The following FBXO16 variants were observed in gnomAD, a reference collection of about 807,000 sequenced individuals.
FBXO16 encodes the protein F-box protein 16.
Under a neutral mutation model 41.0 loss-of-function variants are expected in FBXO16, and 31 were observed. The observed-to-expected ratio is 0.76, with a 90% CI of 0.57 to 1.02. The LOEUF (loss-of-function observed/expected upper bound fraction) is 1.02. FBXO16 is among the 50% of genes least tolerant of loss of function. The pLI is 0.00. For missense variants in FBXO16, 361 were observed against 346.2 expected (o/e 1.04, Z -0.34); for synonymous variants, 133 against 117.8 (o/e 1.13, Z -0.84).
chr8:28,478,255 A>T (rs1803453782), intron 2 of FBXO16, among the ~76,000 whole-genome samples: 1 of 152,180 alleles, frequency 6.6e-6, no homozygotes. Flanking sequence ...AAATCTATTA[A>T]AGAACCAATG....
At position 28,429,380 on chromosome 8, in the gene FBXO16, T is replaced by C; in HGVS notation, c.867A>G (p.Pro289=). 9 of 1,613,638 alleles carry C rather than the reference T, an allele frequency of 5.6e-6. No individual in the cohort carries two copies. Among genetic ancestry groups the C allele is most frequent in the South Asian group, 1.1e-5 (1 of 91,064 alleles). The change falls in exon 8 of 9, where the codon CCA becomes CCG. Residue 289 remains proline, a splice_region_variant and synonymous_variant. Coordinates refer to ENST00000380254, the MANE Select transcript of FBXO16 (RefSeq NM_172366.4). ...TTGATATCACAACCGAAACTCACAG[T>C]GGGAAGGGATTTCTCCTCGACATCT... The part of the protein sequence containing the change: ...QSMMSRRNPF[P]LCP
At chr8:28,460,423 A>ATTTT (rs1174276709) in intron 4 of FBXO16, among the ~76,000 whole-genome samples, 2 of 82,514 alleles carry the variant, frequency 2.4e-5, no homozygotes, top group African/African-American at 6.3e-5. Flanking sequence ...TACCTGGCTA[A>ATTTT]TTTTTTTTTT....
intron 2 of FBXO16, 106 bp downstream of exon 2, chr8:28,483,242 T>C (rs1803543496): frequency 1.9e-6 from 2 of 1,059,284 alleles, no homozygotes. Flanking sequence ...ATTCATCCAT[T>C]ACACAATCTT....
At chr8:28,486,404 A>C (rs1240780646) in intron 1 of FBXO16, among the ~76,000 whole-genome samples, 3 of 151,888 alleles carry the variant, frequency 2.0e-5, no homozygotes, top group African/African-American at 7.3e-5. Flanking sequence ...TTATAGTTTT[A>C]GTAGAGACAG....
At chr8:28,440,502 C>T (rs867529750) in intron 7 of FBXO16, among the ~76,000 whole-genome samples, 1 of 152,120 alleles carries the variant, frequency 6.6e-6, no homozygotes, top group Non-Finnish European at 1.5e-5. Flanking sequence ...ATTCTTAAAC[C>T]ATTGTTCATT....
In FBXO16 at chr8:28,461,627, A is replaced by G. The variant is rs369481051; in HGVS notation, c.342+1985T>C. On this transcript the variant is annotated intron_variant, in intron 4 of 8. Transcript: ENST00000380254. ...TAAAGAAATTAGCCCTTTGCATGCA[A>G]TCGATTTTTTTCCCTGCCTACTGTT... Among the ~76,000 whole-genome samples, 75 of 151,846 alleles carry G rather than the reference A, an allele frequency of 4.9e-4. 2 individuals are homozygous for G. Among genetic ancestry groups the G allele is most frequent in the African/African-American group, 1.5e-3 (63 of 41,432 alleles).
chr8:28,484,407 T>C (rs544299772), intron 1 of FBXO16, among the ~76,000 whole-genome samples: 4 of 152,318 alleles, frequency 2.6e-5, no homozygotes, highest in Admixed American at 2.0e-4. Context: ...ATCCAGTATA[T>C]GTCTGCCTCC....
Position 28,428,611 on chromosome 8 carries a change from G to A in FBXO16, c.*116C>T, listed in dbSNP as rs1274334323. ...GGATGAGTCATGCTTGGGGCCCAGG[G>A]TGCCTGTGAGGATGCTGCATGAGAA... On this transcript the variant is annotated 3_prime_UTR_variant, in exon 9 of 9. Transcript: ENST00000380254. 10 of 1,551,608 alleles carry A rather than the reference G, an allele frequency of 6.4e-6. No homozygotes were observed. Among genetic ancestry groups the A allele is most frequent in the Non-Finnish European group, 7.8e-6 (9 of 1,147,116 alleles).
At chr8:28,447,429 T>G in intron 6 of FBXO16, 156 bp from the exon 7 acceptor site, 2 of 610,000 alleles carry the variant, frequency 3.3e-6, no homozygotes, top group South Asian at 2.0e-5. Flanking sequence ...AATAGAGAAC[T>G]GGTTGCATCA....
intron 3 of FBXO16, among the ~76,000 whole-genome samples, chr8:28,466,001 A>G (rs1374170772): frequency 2.0e-5 from 3 of 152,186 alleles, no homozygotes; most frequent in Non-Finnish European, 4.4e-5. Flanking sequence ...CATGCCTGGG[A>G]GGCCGAGGCC....
intron 3 of FBXO16, among the ~76,000 whole-genome samples, chr8:28,471,946 T>C (rs1803343540): frequency 6.6e-6 from 1 of 152,208 alleles, no homozygotes; most frequent in South Asian, 2.1e-4. Context: ...AGTTGTATCT[T>C]GTTAGGTAAA....
intron 7 of FBXO16, among the ~76,000 whole-genome samples, chr8:28,441,910 A>ATGTGTGTGTGTGTG (rs1175392833): frequency 9.3e-6 from 1 of 107,894 alleles, no homozygotes; most frequent in Admixed American, 1.1e-4. Flanking sequence ...GTATATATAT[A>ATGTGTGTGTGTGTG]TGTGTGTGTG....
At chr8:28,431,599 A>C (rs1306266438) in intron 7 of FBXO16, among the ~76,000 whole-genome samples, 1 of 152,054 alleles carries the variant, frequency 6.6e-6, no homozygotes, top group African/African-American at 2.4e-5. Flanking sequence ...TCCCCCAGAA[A>C]GGTCCGTCTT....
chr8:28,454,343 T>C lies in FBXO16; in HGVS notation c.508-1867A>G, dbSNP rs116125143. Among the ~76,000 whole-genome samples the C allele has an allele frequency of 4.8e-3, 726 of 151,920 alleles. 27 individuals are homozygous for C. The highest frequency in any genetic ancestry group is 0.017 in the African/African-American group (698 of 41,198). ...TCTGTTGTTGCTGGAAGAGGTCTAG[T>C]TTAATACTGCTGGGAATAAATAACA... is the stretch of plus-strand genomic sequence containing the variant. On this transcript the variant is annotated intron_variant, in intron 5 of 8. Coordinates refer to ENST00000380254, the MANE Select transcript of FBXO16 (RefSeq NM_172366.4).
chr8:28,431,560 C>T (rs1162942000), intron 7 of FBXO16, among the ~76,000 whole-genome samples: 1 of 152,122 alleles, frequency 6.6e-6, no homozygotes, highest in Non-Finnish European at 1.5e-5. Flanking sequence ...TGATCTTTTC[C>T]CTTGGCTGTG....
At chr8:28,430,746 C>T (rs1023948512) in intron 7 of FBXO16, among the ~76,000 whole-genome samples, 8 of 151,992 alleles carry the variant, frequency 5.3e-5, no homozygotes, top group East Asian at 1.9e-4. Flanking sequence ...CCAAGGCGGG[C>T]GGATCACCTG....
At chr8:28,460,247 T>TATATATA (rs57422429) in intron 4 of FBXO16, among the ~76,000 whole-genome samples, 27 of 53,292 alleles carry the variant, frequency 5.1e-4, no homozygotes, top group East Asian at 1.4e-3. Context: ...ATATATATAT[T>TATATATA]TTTTTTTTTT....
In FBXO16 at chr8:28,444,502, C is replaced by T. The variant is rs568899015; in HGVS notation, c.843+2669G>A. 2.9e-5 allele frequency among the ~76,000 whole-genome samples: 4 copies of T among 137,036 alleles called. No individual in the cohort carries two copies. In the South Asian group the frequency reaches 6.8e-4, roughly 23 times the overall value. The allele number at this position is 137,036 out of a possible 152,430, so 89.9% of individuals were successfully genotyped here. A position where few individuals can be genotyped will look rare whatever the true frequency, so the allele number is the denominator to read the frequency against. ...TTTTCTTTTTTTTTTTTTTTTGAGA[C>T]GGAGTCTTGCTCTGTTGCCCTGGCT... On this transcript the variant is annotated intron_variant, in intron 7 of 8. Transcript: ENST00000380254.
chr8:28,488,669 A>AGGG (rs1371866631), intron 1 of FBXO16, among the ~76,000 whole-genome samples: 1 of 152,140 alleles, frequency 6.6e-6, no homozygotes, highest in Non-Finnish European at 1.5e-5. Context: ...GGCAGGTGTT[A>AGGG]GGGGTACAAC....
Sources: gnomAD v4.1 joint callset for allele counts (sites outside exome capture counted in the v4.1 genomes callset) on GRCh38, gnomAD v4.1.1 for gene constraint, MANE v1.5 for transcripts, NCBI Gene and HGNC (gene_info 2026-07-23, HGNC 2026-07-21) for gene names.